The following ROBO1 variants were observed in gnomAD, a reference collection of about 807,000 sequenced individuals.
ROBO1 encodes the protein roundabout guidance receptor 1.
Under a neutral mutation model 195.9 loss-of-function variants are expected in ROBO1, and 149 were observed. That is an observed-to-expected ratio of 0.76 (90% CI 0.67 to 0.87). ROBO1 has a LOEUF of 0.87. ROBO1 is among the 40% of genes least tolerant of loss of function. ROBO1 has a pLI of 0.00. For missense variants in ROBO1, 1,933 were observed against 2,068.3 expected, an observed-to-expected ratio of 0.93 and a Z score of 1.27; for synonymous variants, 816 against 733.2, an observed-to-expected ratio of 1.11 and a Z score of -1.82.
chr3:79,693,081 T>C (rs1947340780), intron 1 of ROBO1, among the ~76,000 whole-genome samples: 1 of 151,812 alleles, frequency 6.6e-6, no homozygotes, highest in South Asian at 2.1e-4. Flanking sequence ...TTTCAGATTA[T>C]GGATGTTCTG....
chr3:78,841,100 AT>A (rs1007617373), intron 4 of ROBO1, among the ~76,000 whole-genome samples: 1 of 151,898 alleles, frequency 6.6e-6, no homozygotes, highest in African/African-American at 2.4e-5. Flanking sequence ...ATATTTCATT[AT>A]TTTTAATGTC....
intron 1 of ROBO1, among the ~76,000 whole-genome samples, chr3:79,596,856 A>C (rs1361401566): frequency 1.3e-5 from 2 of 152,020 alleles, no homozygotes; most frequent in Non-Finnish European, 2.9e-5. Context: ...CAAATTGTAT[A>C]ACTTGGAGAT....
At position 79,464,033 on chromosome 3, in the gene ROBO1, T is replaced by C. The variant is rs572739364; in HGVS notation, c.88+125791A>G. Among the ~76,000 whole-genome samples, 12 of 152,336 alleles carry C rather than the reference T, an allele frequency of 7.9e-5. No individual in the cohort carries two copies. In the South Asian group the frequency reaches 1.9e-3, roughly 24 times the overall value. On this transcript the variant is annotated intron_variant, in intron 2 of 30. Transcript: ENST00000464233. ...TTCGTATAAATGGAATTATACAGTA[T>C]AAAGTCTTTATGTGAGTTGCTTCAT...
intron 1 of ROBO1, among the ~76,000 whole-genome samples, chr3:79,700,327 G>GTGTT (rs1947584668): frequency 3.4e-5 from 5 of 148,100 alleles, no homozygotes; most frequent in African/African-American, 1.3e-4. Flanking sequence ...TTGTGTGTGT[G>GTGTT]TGTGTGTGTG....
chr3:79,425,465 CT>C (rs2038407645), intron 2 of ROBO1, among the ~76,000 whole-genome samples: 1 of 152,142 alleles, frequency 6.6e-6, no homozygotes, highest in Non-Finnish European at 1.5e-5. Context: ...TTTAGAAGGT[CT>C]TTTTATTTTC....
intron 21 of ROBO1, among the ~76,000 whole-genome samples, chr3:78,645,347 A>G (rs1359641035): frequency 6.6e-6 from 1 of 151,958 alleles, no homozygotes; most frequent in Non-Finnish European, 1.5e-5. Context: ...ATACAGCTGT[A>G]CAAAGAAGGG....
chr3:79,151,393 A>C lies in ROBO1; in HGVS notation c.89-25854T>G, dbSNP rs538789406. 3.1e-4 allele frequency among the ~76,000 whole-genome samples: 47 copies of C among 151,822 alleles called. 2 individuals are homozygous for C. In the South Asian group the frequency reaches 9.1e-3, roughly 29 times the overall value. On this transcript the variant is annotated intron_variant, in intron 2 of 30. Coordinates refer to ENST00000464233, the MANE Select transcript of ROBO1 (RefSeq NM_002941.4). ...CTTTCTGCATTTCACACATCATTTCAATCACCAAGTATTCTTGGCTCAGCC... is the reference window on the plus strand; with the variant it reads ...CTTTCTGCATTTCACACATCATTTCCATCACCAAGTATTCTTGGCTCAGCC...
At chr3:79,524,943 A>T (rs1053199812) in intron 2 of ROBO1, among the ~76,000 whole-genome samples, 1 of 152,050 alleles carries the variant, frequency 6.6e-6, no homozygotes, top group African/African-American at 2.4e-5. Flanking sequence ...ATACATAGAC[A>T]TACATATACA....
chr3:79,637,514 T>A (rs1437665606), intron 1 of ROBO1, among the ~76,000 whole-genome samples: 1 of 152,068 alleles, frequency 6.6e-6, no homozygotes, highest in Non-Finnish European at 1.5e-5. Flanking sequence ...TAATATGCAA[T>A]ATTATAAAAA....
At chr3:78,755,529 G>A (rs1266770333) in intron 4 of ROBO1, among the ~76,000 whole-genome samples, 1 of 152,108 alleles carries the variant, frequency 6.6e-6, no homozygotes, top group Non-Finnish European at 1.5e-5. Flanking sequence ...GGCTACTGAA[G>A]TAATTACAGG....
Position 79,628,234 on chromosome 3 carries a change from C to A in ROBO1, c.-50-38273G>T, listed in dbSNP as rs184802181. ...CAATAGCAAAGACTTGGAACAAACC[C>A]AAATGCCCATCAATGATAGACATAG... On this transcript the variant is annotated intron_variant, in intron 1 of 30. Transcript: ENST00000464233. Among the ~76,000 whole-genome samples, 20 of 152,210 alleles carry A rather than the reference C, an allele frequency of 1.3e-4. No individual in the cohort carries two copies. The East Asian group carries it at 3.5e-3, about 26-fold the overall frequency.
intron 4 of ROBO1, among the ~76,000 whole-genome samples, chr3:78,871,777 G>C (rs1051538583): frequency 2.0e-5 from 3 of 147,942 alleles, no homozygotes; most frequent in African/African-American, 7.5e-5. Flanking sequence ...TGTAAAGCTA[G>C]GTTTCTGGTT....
At chr3:79,129,903 A>G (rs1244315403) in intron 2 of ROBO1, among the ~76,000 whole-genome samples, 1 of 142,762 alleles carries the variant, frequency 7.0e-6, no homozygotes, top group Admixed American at 7.2e-5. Flanking sequence ...ACATATGGCT[A>G]GCCAGTTTTC....
intron 3 of ROBO1, among the ~76,000 whole-genome samples, chr3:78,984,455 G>A (rs539961893): frequency 6.6e-6 from 1 of 152,274 alleles, no homozygotes; most frequent in South Asian, 2.1e-4. Context: ...ACAACAGAAG[G>A]ATGTGAGAAG....
At chr3:79,341,697 A>G (rs1222114739) in intron 2 of ROBO1, among the ~76,000 whole-genome samples, 3 of 152,130 alleles carry the variant, frequency 2.0e-5, no homozygotes, top group African/African-American at 4.8e-5. Flanking sequence ...TCCAACTACC[A>G]TACTTATATT....
intron 26 of ROBO1, among the ~76,000 whole-genome samples, chr3:78,621,058 C>A (rs550656973): frequency 7.4e-4 from 112 of 151,348 alleles, no homozygotes; most frequent in African/African-American, 2.7e-3. Flanking sequence ...TATATACACA[C>A]AACATTCTTT....
chr3:79,470,835 C>G (rs1938233634), intron 2 of ROBO1, among the ~76,000 whole-genome samples: 1 of 152,144 alleles, frequency 6.6e-6, no homozygotes, highest in African/African-American at 2.4e-5. Flanking sequence ...TCAATTAAAC[C>G]TCTTTCCTTT....
At chr3:79,416,321 T>C (rs936380477) in intron 2 of ROBO1, among the ~76,000 whole-genome samples, 22 of 151,322 alleles carry the variant, frequency 1.5e-4, no homozygotes, top group South Asian at 8.3e-4. Flanking sequence ...AGAGGTAAAA[T>C]TGGGCAGGGT....
At chr3:79,569,107 C>T (rs555830577) in intron 2 of ROBO1, among the ~76,000 whole-genome samples, 5 of 149,918 alleles carry the variant, frequency 3.3e-5, no homozygotes, top group Admixed American at 6.6e-5. Context: ...TAACCAGACA[C>T]GCATGCGCGT....
Sources: allele counts gnomAD v4.1 joint callset (sites outside exome capture counted in the v4.1 genomes callset), GRCh38; gene constraint gnomAD v4.1.1; transcripts MANE v1.5; gene names NCBI Gene and HGNC (gene_info 2026-07-23, HGNC 2026-07-21).